The following RPH3AL variants were observed in gnomAD, a reference collection of about 807,000 sequenced individuals.
The protein encoded by RPH3AL is rab effector Noc2.
Under a neutral mutation model 43.1 loss-of-function variants are expected in RPH3AL, and 38 were observed. The observed-to-expected ratio is 0.88, with a 90% CI of 0.68 to 1.15. The LOEUF (loss-of-function observed/expected upper bound fraction) is 1.15. Among genes scored for constraint, RPH3AL ranks in the 50% most tolerant of loss-of-function variants. RPH3AL has a pLI of 0.00. For missense variants in RPH3AL, 462 were observed against 423.2 expected, an observed-to-expected ratio of 1.09 and a Z score of -0.81; for synonymous variants, 189 against 176.3, an observed-to-expected ratio of 1.07 and a Z score of -0.57.
intron 1 of RPH3AL, among the ~76,000 whole-genome samples, chr17:348,052 G>C (rs2045275891): frequency 6.6e-6 from 1 of 150,448 alleles, no homozygotes; most frequent in African/African-American, 2.4e-5. Flanking sequence ...GCTACTCTGG[G>C]CACCCTGCCT....
At chr17:276,392 G>C (rs1253785496) in intron 6 of RPH3AL, among the ~76,000 whole-genome samples, 2 of 152,130 alleles carry the variant, frequency 1.3e-5, no homozygotes, top group African/African-American at 4.8e-5. Flanking sequence ...TTATTTTAGA[G>C]ACAGGGCCTT....
Position 215,781 on chromosome 17 carries a change from C to A in RPH3AL, c.749G>T (p.Arg250Met). ...GCCCGGCGGGTGGGTGAACCCCATCCTGGGGGCCTCCACGCTGCCACCTGT... is the reference window on the plus strand; with the variant it reads ...GCCCGGCGGGTGGGTGAACCCCATCATGGGGGCCTCCACGCTGCCACCTGT... ...KESGGSVEAP[R>M]MGFTHPPGHL... The change falls in exon 9 of 10, where the codon AGG becomes ATG. Residue 250 changes from arginine (R) to methionine (M), a missense_variant. By Grantham distance (91) the Arg-to-Met change is moderately conservative (BLOSUM62 -1). Transcript: ENST00000331302. This position sits in a 1 kb window ranked among gnomAD's most constrained non-coding sequence, Gnocchi z 4.1. 1.5e-6 allele frequency: 2 copies of A among 1,305,924 alleles called. No homozygotes were observed. Among genetic ancestry groups the A allele is most frequent in the Non-Finnish European group, 2.0e-6 (2 of 1,024,160 alleles). The allele number at this position is 1,305,924 out of a possible 1,614,324, so 80.9% of individuals were successfully genotyped here.
At chr17:224,535 G>C (rs971911778) in intron 7 of RPH3AL, among the ~76,000 whole-genome samples, 10 of 152,202 alleles carry the variant, frequency 6.6e-5, no homozygotes, top group Admixed American at 1.3e-4. Context: ...ACCAACCACT[G>C]TCTGCTCTGT....
chr17:227,005 G>A (rs999887904), intron 7 of RPH3AL, among the ~76,000 whole-genome samples: 1 of 152,244 alleles, frequency 6.6e-6, no homozygotes, highest in Non-Finnish European at 1.5e-5. Context: ...GGAGAAGGCT[G>A]TCCCAACAGC....
intron 6 of RPH3AL, among the ~76,000 whole-genome samples, chr17:267,373 C>T (rs903309536): frequency 6.6e-6 from 1 of 152,176 alleles, no homozygotes; most frequent in Non-Finnish European, 1.5e-5. Flanking sequence ...TGTTCCCAGA[C>T]GGAGTGGGCT....
chr17:343,005 C>T (rs2151731744), intron 1 of RPH3AL, among the ~76,000 whole-genome samples: 1 of 152,316 alleles, frequency 6.6e-6, no homozygotes, highest in Middle Eastern at 3.4e-3. Flanking sequence ...TTCCACTTTG[C>T]TGCATGTTTT....
In RPH3AL at chr17:283,487, C is replaced by T. The variant is rs1467618412; in HGVS notation, c.352-1633G>A. Among the ~76,000 whole-genome samples, 5 of 152,192 alleles carry T rather than the reference C, an allele frequency of 3.3e-5. No homozygotes were observed. The highest frequency in any genetic ancestry group is 7.3e-5 in the Non-Finnish European group (5 of 68,030). On this transcript the variant is annotated intron_variant, in intron 5 of 9. Coordinates refer to ENST00000331302, the MANE Select transcript of RPH3AL (RefSeq NM_006987.4). This position sits in a 1 kb window ranked among gnomAD's most constrained non-coding sequence, Gnocchi z 4.2. The stretch of plus-strand genomic sequence containing the variant: ...TGCAATCTGCTCCAAGCTCCTGTCC[C>T]TCTGGATTGGCAGGAAAATCTGCCC...
intron 5 of RPH3AL, among the ~76,000 whole-genome samples, chr17:291,156 G>A (rs2043039464): frequency 6.6e-6 from 1 of 152,196 alleles, no homozygotes; most frequent in Non-Finnish European, 1.5e-5. Context: ...ATACTGTAGG[G>A]AAGGCATTAT....
intron 1 of RPH3AL, chr17:349,442 G>C (rs1365908389): frequency 6.6e-6 from 1 of 152,202 alleles, no homozygotes; most frequent in Non-Finnish European, 1.5e-5. Flanking sequence ...CCAGGGGCCA[G>C]GAGCGTGCCC....
intron 3 of RPH3AL, 186 bp from the exon 4 acceptor site, chr17:321,601 GACGGCCCAGGTGGCAACA>G: frequency 2.0e-6 from 1 of 498,174 alleles, no homozygotes. Context: ...TGGCAACAGA[GACGGCCCAGGTGGCAACA>G]GAGACGGCCC....
intron 2 of RPH3AL, chr17:332,853 A>C: frequency 4.4e-6 from 2 of 456,102 alleles, no homozygotes; most frequent in East Asian, 1.4e-4. Flanking sequence ...CAGAGGCAGC[A>C]CTCGGGCTGG....
intron 6 of RPH3AL, among the ~76,000 whole-genome samples, chr17:269,211 T>C (rs1227571107): frequency 6.6e-6 from 1 of 151,674 alleles, no homozygotes; most frequent in Non-Finnish European, 1.5e-5. Context: ...GGGATCGCCA[T>C]GTTGCCCAGG....
intron 5 of RPH3AL, among the ~76,000 whole-genome samples, chr17:293,690 T>G (rs2043100585): frequency 6.6e-6 from 1 of 151,126 alleles, no homozygotes; most frequent in African/African-American, 2.4e-5. Flanking sequence ...GGCCAAGGGG[T>G]GGATGGGATG....
At position 235,694 on chromosome 17, in the gene RPH3AL, C is replaced by T. The variant is rs1462673625; in HGVS notation, c.613+11417G>A. ...CAGCGGAGGCTCTACACTAACAAGACAGGTCCCGGGTTCAAAGCTGGGGTC... is the reference window on the plus strand; with the variant it reads ...CAGCGGAGGCTCTACACTAACAAGATAGGTCCCGGGTTCAAAGCTGGGGTC... On this transcript the variant is annotated intron_variant, in intron 7 of 9. Transcript: ENST00000331302. Among the ~76,000 whole-genome samples the T allele has an allele frequency of 3.9e-4, 14 of 36,264 alleles. 1 individual carries two copies. The highest frequency in any genetic ancestry group is 1.1e-3 in the African/African-American group (10 of 8,906). The allele number at this position is 36,264 out of a possible 152,430, so 23.8% of individuals were successfully genotyped here.
chr17:344,892 G>C (rs2045207993), intron 1 of RPH3AL, among the ~76,000 whole-genome samples: 1 of 136,010 alleles, frequency 7.4e-6, no homozygotes, highest in African/African-American at 2.5e-5. Context: ...CAGGAGACCT[G>C]ATGAATAGAA....
intron 5 of RPH3AL, among the ~76,000 whole-genome samples, chr17:286,481 C>T (rs190374381): frequency 1.8e-4 from 27 of 152,318 alleles, no homozygotes; most frequent in African/African-American, 5.1e-4. Context: ...TACGGAAAGA[C>T]GACACGCTCC....
At chr17:266,008 C>T (rs1418795177) in intron 6 of RPH3AL, among the ~76,000 whole-genome samples, 1 of 152,240 alleles carries the variant, frequency 6.6e-6, no homozygotes, top group Non-Finnish European at 1.5e-5. Context: ...GTCTGAGCCA[C>T]ACCAGGGCAG....
chr17:223,998 C>A (rs2041052204), intron 7 of RPH3AL, among the ~76,000 whole-genome samples: 1 of 152,246 alleles, frequency 6.6e-6, no homozygotes, highest in East Asian at 1.9e-4. Flanking sequence ...ACAGTAGGTG[C>A]TTCATGAAGG....
chr17:348,426 T>A (rs1199583947), intron 1 of RPH3AL, among the ~76,000 whole-genome samples: 3 of 151,924 alleles, frequency 2.0e-5, no homozygotes, highest in Non-Finnish European at 4.4e-5. Flanking sequence ...GTAACAAATG[T>A]ACCTCACCAA....
Sources: gnomAD v4.1 joint callset for allele counts (sites outside exome capture counted in the v4.1 genomes callset) on GRCh38, gnomAD v4.1.1 for gene constraint, Gnocchi (gnomAD v3.1) non-coding constraint, MANE v1.5 for transcripts, NCBI Gene and HGNC (gene_info 2026-07-23, HGNC 2026-07-21) for gene names.